The following NCL variants were observed in gnomAD, a reference collection of about 807,000 sequenced individuals.
The protein encoded by NCL is nucleolin multifunctional protein.
NCL carries 4 observed loss-of-function variants against 77.7 expected under a neutral mutation model. The observed-to-expected ratio is 0.05, with a 90% confidence interval of 0.03 to 0.12. The LOEUF (loss-of-function observed/expected upper bound fraction) is 0.12. Among genes scored for constraint, NCL ranks in the 10% least tolerant of loss-of-function variants. The probability of loss-of-function intolerance (pLI) is 1.00; values close to 1 mark genes in which losing one functional copy is unlikely to be tolerated. For missense variants in NCL, 763 were observed against 860.9 expected (o/e 0.89, Z 1.42); for synonymous variants, 344 against 297.8 (o/e 1.16, Z -1.60).
chr2:231,461,513 C>A, intron 3 of NCL, 27 bp downstream of exon 3: 1 of 1,604,662 alleles, frequency 6.2e-7, no homozygotes, highest in Middle Eastern at 1.7e-4. Flanking sequence ...AATCAGAAGC[C>A]CAGTAACTAC....
At chr2:231,457,822 T>G in intron 8 of NCL, 22 bp from the exon 9 acceptor site, 1 of 1,577,014 alleles carries the variant, frequency 6.3e-7, no homozygotes, top group Non-Finnish European at 8.6e-7. Context: ...GGAGAAGAAC[T>G]CATGGTTTTT....
At chr2:231,462,633 G>A (rs1404981404) in intron 2 of NCL, 1 of 482,514 alleles carries the variant, frequency 2.1e-6, no homozygotes, top group African/African-American at 2.0e-5. Flanking sequence ...CTTTCATTCA[G>A]TTCTCAACGA....
intron 10 of NCL, 43 bp from the exon 11 acceptor site, chr2:231,456,807 A>T (rs755102944): frequency 6.2e-7 from 1 of 1,609,794 alleles, no homozygotes; most frequent in South Asian, 1.1e-5. Context: ...TACCAGGCAC[A>T]TGCTCCTTCA....
In NCL at chr2:231,457,020, G is replaced by T. The variant is rs775383737; in HGVS notation, c.1552C>A (p.Gln518Lys). 35 of 1,613,866 alleles carry T rather than the reference G, an allele frequency of 2.2e-5. 1 individual carries two copies. Among genetic ancestry groups the T allele is most frequent in the Admixed American group, 8.3e-5 (5 of 59,998 alleles). ...KATFIKVPQNQNGKSKGYAFI... is the reference protein window; with the variant it reads ...KATFIKVPQNKNGKSKGYAFI... Reference sequence around the variant, plus strand: ...TCTTACCCTTTAGATTTGCCATTTTGGTTCTGGGGTACTTTGATAAAAGTT... The same window carrying T: ...TCTTACCCTTTAGATTTGCCATTTTTGTTCTGGGGTACTTTGATAAAAGTT... Residue 518 changes from glutamine (Q) to lysine (K), a missense_variant, in exon 10 of 14, where the codon CAA becomes AAA. By Grantham distance (53) the Gln-to-Lys change is moderately conservative. Coordinates refer to ENST00000322723, the MANE Select transcript of NCL (RefSeq NM_005381.3).
intron 2 of NCL, 107 bp downstream of exon 2, chr2:231,463,093 G>C: frequency 1.2e-6 from 1 of 802,738 alleles, no homozygotes; most frequent in Non-Finnish European, 2.0e-6. Flanking sequence ...ACTACAATAA[G>C]ACATACCTGA....
chr2:231,456,483 A>G, intron 11 of NCL, 148 bp downstream of exon 11: 1 of 1,338,696 alleles, frequency 7.5e-7, no homozygotes, highest in Non-Finnish European at 1.1e-6. Context: ...TTTTCTTGAG[A>G]TTTCATCAAT....
chr2:231,456,792 TA>T, intron 10 of NCL, 28 bp from the exon 11 acceptor site: 1 of 1,612,038 alleles, frequency 6.2e-7, no homozygotes, highest in Non-Finnish European at 8.5e-7. Flanking sequence ...ATGCTTAGAG[TA>T]AGTTACCAGG....
In NCL at chr2:231,462,020, T is replaced by C; in HGVS notation, c.136-3A>G. 6.2e-7 allele frequency: 1 copy of C among 1,613,448 alleles called. No homozygotes were observed. The highest frequency in any genetic ancestry group is 8.5e-7 in the Non-Finnish European group (1 of 1,179,980). ...CCTTTCTTCTGAGGTATGACGACCT[T>C]GAGAATAAATGAAAACCAAACCAGT... On this transcript the variant is annotated splice_polypyrimidine_tract_variant and splice_region_variant and intron_variant, in intron 2 of 13. Transcript: ENST00000322723.
intron 9 of NCL, 87 bp downstream of exon 9, chr2:231,457,556 A>G (rs993426295): frequency 1.5e-6 from 2 of 1,314,374 alleles, no homozygotes; most frequent in Non-Finnish European, 1.1e-6. Flanking sequence ...CTTTGATTAA[A>G]AAGTATTTAT....
chr2:231,455,933 A>G, intron 12 of NCL, 77 bp downstream of exon 12: 1 of 1,605,896 alleles, frequency 6.2e-7, no homozygotes, highest in Non-Finnish European at 8.5e-7. Context: ...CTCAATGAGA[A>G]GACACATTAG....
At chr2:231,462,680 T>A in intron 2 of NCL, 1 of 423,346 alleles carries the variant, frequency 2.4e-6, no homozygotes, top group Non-Finnish European at 4.7e-6. Flanking sequence ...GCTGTCTTTA[T>A]AGTGAGCAAA....
rs768459230 is a variant in NCL, at chr2:231,463,224, T to C, written c.111A>G (p.Glu37=). The C allele has an allele frequency of 1.2e-6, 2 of 1,610,604 alleles. No homozygotes were observed. Among genetic ancestry groups the C allele is most frequent in the Admixed American group, 3.4e-5 (2 of 59,074 alleles). ...DSEDEEMSED[E]EDDSSGEEVV... Reference sequence around the variant, plus strand: ...CCTCTTCTCCACTGCTATCATCTTCTTCATCTTCTGACATTTCCTCATCTT... The same window carrying C: ...CCTCTTCTCCACTGCTATCATCTTCCTCATCTTCTGACATTTCCTCATCTT... The change falls in exon 2 of 14, where the codon GAA becomes GAG. Residue 37 remains glutamate, a synonymous_variant. Coordinates refer to ENST00000322723, the MANE Select transcript of NCL (RefSeq NM_005381.3).
intron 10 of NCL, 82 bp from the exon 11 acceptor site, chr2:231,456,846 T>C: frequency 6.3e-7 from 1 of 1,577,350 alleles, no homozygotes; most frequent in Non-Finnish European, 8.6e-7. Flanking sequence ...AAGCCCCTTC[T>C]CTCAAGTTGG....
At chr2:231,457,439 C>T (rs1018211082) in intron 9 of NCL, 2 of 754,280 alleles carry the variant, frequency 2.7e-6, no homozygotes, top group Non-Finnish European at 4.6e-6. Flanking sequence ...TACTGTATTC[C>T]AATGCAAAAT....
chr2:231,458,200 C>T, intron 8 of NCL, 66 bp downstream of exon 8: 1 of 1,567,416 alleles, frequency 6.4e-7, no homozygotes, highest in Non-Finnish European at 8.6e-7. Flanking sequence ...ACCAATATTT[C>T]TTTTATAAAG....
At chr2:231,463,613 A>T (rs2046972338) in intron 1 of NCL, 1 of 375,072 alleles carries the variant, frequency 2.7e-6, no homozygotes, top group Admixed American at 4.7e-5. Context: ...GTGTTTTAAT[A>T]CTACAAATCC....
chr2:231,462,898 ATGTGGGGGTGAGG>A, intron 2 of NCL: 1 of 348,430 alleles, frequency 2.9e-6, no homozygotes. Context: ...CCAGCTCTAC[ATGTGGGGGTGAGG>A]CTAACATGTT....
At chr2:231,460,601 A>T (rs2046938157) in intron 4 of NCL, 37 bp from the exon 5 acceptor site, 4 of 1,614,164 alleles carry the variant, frequency 2.5e-6, no homozygotes, top group Non-Finnish European at 2.5e-6. Context: ...ACACATCAGT[A>T]GCCACAAACA....
Position 231,455,238 on chromosome 2 carries a change from C to T in NCL, c.2086G>A (p.Gly696Arg). Residue 696 changes from glycine to arginine, a missense_variant, in exon 14 of 14, where the codon GGA (glycine) becomes AGA (arginine). This residue lies in a region of NCL where 173 missense variants were observed against 290.4 expected (regional missense o/e 0.60). Transcript: ENST00000322723. ...CCTTGTGGCTTGTGGTCACCTCCTC[C>T]TCCTCTGCCTCCTCGGAAGCCTCCT... ...GRGGFRGGRG[G>R]GGDHKPQGKK... 1.2e-6 allele frequency: 2 copies of T among 1,614,212 alleles called. No homozygotes were observed. The highest frequency in any genetic ancestry group is 1.7e-5 in the Admixed American group (1 of 60,022).
Sources: gnomAD v4.1 joint callset for allele counts on GRCh38, gnomAD v4.1.1 for gene constraint, gnomAD v4.1.1 regional missense constraint, MANE v1.5 for transcripts, NCBI Gene and HGNC (gene_info 2026-07-23, HGNC 2026-07-21) for gene names.